The following NTF3 variants were observed in gnomAD, a reference collection of about 807,000 sequenced individuals.
NTF3 encodes neurotrophin 3.
A neutral mutation model predicts 26.3 loss-of-function variants in NTF3; 8 were observed. The observed-to-expected ratio is 0.30, with a 90% confidence interval of 0.18 to 0.55. The LOEUF is 0.55. Among genes scored for constraint, NTF3 ranks in the 20% least tolerant of loss-of-function variants. The pLI, the probability that NTF3 is intolerant of heterozygous loss-of-function variation, is 0.93. For missense variants in NTF3, 276 were observed against 352.9 expected (o/e 0.78, Z 1.75); for synonymous variants, 154 against 145.5 (o/e 1.06, Z -0.42).
At position 5,481,816 on chromosome 12, in the gene NTF3, A is replaced by G. The variant is rs1235042459; in HGVS notation, c.19-12378A>G. Among the ~76,000 whole-genome samples the G allele has an allele frequency of 2.0e-5, 3 of 148,782 alleles. No individual in the cohort carries two copies. In the East Asian group the frequency reaches 6.0e-4, roughly 30 times the overall value. On this transcript the variant is annotated intron_variant, in intron 1 of 1. Transcript: ENST00000423158. Reference sequence around the variant, plus strand: ...ATACACCACACTCATACAGAGACACATGCACACACATGCATACTACACACA... The same window carrying G: ...ATACACCACACTCATACAGAGACACGTGCACACACATGCATACTACACACA...
intron 1 of NTF3, among the ~76,000 whole-genome samples, chr12:5,444,643 G>A: frequency 6.6e-6 from 1 of 152,162 alleles, no homozygotes; most frequent in African/African-American, 2.4e-5. Context: ...TGGTGGAGAG[G>A]TGGGCGGGAG....
chr12:5,468,510 T>A (rs1040605525), intron 1 of NTF3, among the ~76,000 whole-genome samples: 5 of 152,214 alleles, frequency 3.3e-5, no homozygotes, highest in African/African-American at 1.2e-4. Flanking sequence ...AGGCGTTTTC[T>A]CTTCAGTCTT....
intron 1 of NTF3, among the ~76,000 whole-genome samples, chr12:5,492,403 T>C (rs577420028): frequency 4.6e-5 from 7 of 152,250 alleles, no homozygotes; most frequent in Non-Finnish European, 1.0e-4. Context: ...TGCAGCTGTA[T>C]TATTCTTTTT....
At chr12:5,490,301 G>A (rs1347749742) in intron 1 of NTF3, among the ~76,000 whole-genome samples, 1 of 152,198 alleles carries the variant, frequency 6.6e-6, no homozygotes, top group African/African-American at 2.4e-5. Flanking sequence ...TCAGTAAATA[G>A]ACGTCGAAAG....
chr12:5,451,676 T>C (rs186032438), intron 1 of NTF3, among the ~76,000 whole-genome samples: 87 of 152,344 alleles, frequency 5.7e-4, no homozygotes, highest in African/African-American at 1.9e-3. Flanking sequence ...GTATTTCCTT[T>C]ATTTTTGTTT....
In NTF3 at chr12:5,443,870, A is replaced by G. The variant is rs558517218; in HGVS notation, c.18+11528A>G. 2.6e-5 allele frequency among the ~76,000 whole-genome samples: 4 copies of G among 152,296 alleles called. No homozygotes were observed. In the South Asian group the frequency reaches 8.3e-4, roughly 32 times the overall value. The stretch of plus-strand genomic sequence containing the variant: ...GTGTGTGCATGAGAGAGAGAGAAAA[A>G]AAAAGAAAGGGAGAGAGGAGAGGCG... On this transcript the variant is annotated intron_variant, in intron 1 of 1. Transcript: ENST00000423158.
intron 1 of NTF3, among the ~76,000 whole-genome samples, chr12:5,480,620 G>A (rs886939528): frequency 2.0e-5 from 3 of 152,182 alleles, no homozygotes; most frequent in African/African-American, 7.2e-5. Flanking sequence ...CCTGATCCCA[G>A]TCCCTGCTTC....
intron 1 of NTF3, among the ~76,000 whole-genome samples, chr12:5,432,606 C>G (rs944140076): frequency 6.7e-5 from 9 of 134,968 alleles, no homozygotes; most frequent in South Asian, 2.4e-4. Context: ...CACACACACA[C>G]AGACACGGAC....
At chr12:5,437,496 C>G (rs1453399126) in intron 1 of NTF3, among the ~76,000 whole-genome samples, 1 of 152,198 alleles carries the variant, frequency 6.6e-6, no homozygotes, top group African/African-American at 2.4e-5. Flanking sequence ...GCTTCTGCTA[C>G]AAGCTTCTCC....
rs985537946 is a variant in NTF3, at chr12:5,494,251, C to T, written c.76C>T (p.Leu26Phe). ...ILFYVIFLAYLRGIQGNNMDQ... is the reference protein window; with the variant it reads ...ILFYVIFLAYFRGIQGNNMDQ... ...GTTTTATGTGATATTTCTCGCTTAT[C>T]TCCGTGGCATCCAAGGTAACAACAT... Residue 26 changes from leucine (L) to phenylalanine (F), a missense_variant, in exon 2 of 2, where the codon CTC becomes TTC. Leu to Phe is a conservative substitution (Grantham distance 22). Transcript: ENST00000423158. The surrounding 1 kb of genome is among the most constrained non-coding windows in gnomAD (Gnocchi z 8.3). 1 of 1,614,012 alleles carries T rather than the reference C, an allele frequency of 6.2e-7. No homozygotes were observed. Among genetic ancestry groups the T allele is most frequent in the African/African-American group, 1.3e-5 (1 of 74,928 alleles).
At chr12:5,465,148 T>TCTCCCCACTTCATGGGAGAAGCATCCTC (rs1316645480) in intron 1 of NTF3, among the ~76,000 whole-genome samples, 3 of 152,160 alleles carry the variant, frequency 2.0e-5, no homozygotes, top group East Asian at 1.9e-4. Flanking sequence ...GTCCAGGGCT[T>TCTCCCCACTTCATGGGAGAAGCATCCTC]CTCCCCACTT....
intron 1 of NTF3, among the ~76,000 whole-genome samples, chr12:5,477,881 T>C (rs934626284): frequency 2.0e-5 from 3 of 152,184 alleles, no homozygotes; most frequent in Non-Finnish European, 4.4e-5. Flanking sequence ...ATTCCAGATT[T>C]CTCACTTTCT....
chr12:5,486,880 G>GGTGTGTGT (rs10527557), intron 1 of NTF3, among the ~76,000 whole-genome samples: 175 of 148,810 alleles, frequency 1.2e-3, no homozygotes, highest in Middle Eastern at 0.01. Context: ...GTAGTTACGT[G>GGTGTGTGT]GTGTGTGTGT....
At chr12:5,457,584 A>C (rs536881821) in intron 1 of NTF3, among the ~76,000 whole-genome samples, 3 of 152,090 alleles carry the variant, frequency 2.0e-5, no homozygotes, top group African/African-American at 4.8e-5. Context: ...TCCATAGCCT[A>C]TTCTAAGTGT....
intron 1 of NTF3, among the ~76,000 whole-genome samples, chr12:5,476,828 T>C (rs939839503): frequency 6.6e-6 from 1 of 152,194 alleles, no homozygotes; most frequent in African/African-American, 2.4e-5. Context: ...TAGATTGTAA[T>C]AGTAAGTGAA....
At chr12:5,458,495 C>T (rs998189024) in intron 1 of NTF3, among the ~76,000 whole-genome samples, 3 of 152,118 alleles carry the variant, frequency 2.0e-5, no homozygotes, top group Non-Finnish European at 2.9e-5. Flanking sequence ...CCAAACCACA[C>T]GTGACAGTGT....
At chr12:5,464,041 TTGTC>T (rs1940556869) in intron 1 of NTF3, among the ~76,000 whole-genome samples, 1 of 152,200 alleles carries the variant, frequency 6.6e-6, no homozygotes, top group Non-Finnish European at 1.5e-5. Context: ...GAGCTGTGCT[TTGTC>T]TGTTTTTCTG....
At chr12:5,451,525 G>A (rs930976386) in intron 1 of NTF3, among the ~76,000 whole-genome samples, 4 of 152,168 alleles carry the variant, frequency 2.6e-5, no homozygotes, top group Admixed American at 6.5e-5. Context: ...CTGTTCTAAT[G>A]TATGTTCAAC....
chr12:5,450,556 T>A (rs1940359681), intron 1 of NTF3, among the ~76,000 whole-genome samples: 1 of 152,216 alleles, frequency 6.6e-6, no homozygotes, highest in Admixed American at 6.5e-5. Flanking sequence ...TTCCCTGCAT[T>A]GTCACTCAGA....
Sources: allele counts gnomAD v4.1 joint callset (sites outside exome capture counted in the v4.1 genomes callset), GRCh38; gene constraint gnomAD v4.1.1; non-coding constraint Gnocchi (gnomAD v3.1); transcripts MANE v1.5; gene names NCBI Gene and HGNC (gene_info 2026-07-23, HGNC 2026-07-21).